UBE2G1: variants seen among roughly 807,000 people sequenced by gnomAD.
UBE2G1 encodes ubiquitin-conjugating enzyme E2 G1.
UBE2G1 carries 5 observed loss-of-function variants against 22.7 expected under a neutral mutation model. That is an observed-to-expected ratio of 0.22 (90% confidence interval 0.12 to 0.46). The LOEUF (loss-of-function observed/expected upper bound fraction) is 0.46, where lower values mean the gene tolerates loss of function less well. UBE2G1 is among the 20% of genes least tolerant of loss of function. The pLI, the probability that UBE2G1 is intolerant of heterozygous loss-of-function variation, is 0.99. For synonymous variants in UBE2G1, 74 were observed against 67.5 expected (o/e 1.10, Z -0.47); for missense variants, 88 against 203.9 (o/e 0.43, Z 3.46).
chr17:4,365,724 C>A (rs1421900310), intron 1 of UBE2G1, among the ~76,000 whole-genome samples: 1 of 152,188 alleles, frequency 6.6e-6, no homozygotes, highest in Non-Finnish European at 1.5e-5. Flanking sequence ...TGGAGGCCGC[C>A]GAGGCCAGCG....
chr17:4,275,247 G>A (rs1266752147), intron 5 of UBE2G1, among the ~76,000 whole-genome samples: 1 of 152,138 alleles, frequency 6.6e-6, no homozygotes, highest in Non-Finnish European at 1.5e-5. Context: ...TCTAAATAGA[G>A]ACAAGGCCTC....
At chr17:4,305,396 G>C (rs1366684186) in intron 2 of UBE2G1, among the ~76,000 whole-genome samples, 1 of 152,146 alleles carries the variant, frequency 6.6e-6, no homozygotes, top group Non-Finnish European at 1.5e-5. Context: ...AAAGGCTAGT[G>C]ATCTCAGGAA....
At chr17:4,313,218 A>C (rs1399399690) in intron 1 of UBE2G1, among the ~76,000 whole-genome samples, 2 of 152,238 alleles carry the variant, frequency 1.3e-5, no homozygotes. Context: ...TGGTCCTCCT[A>C]TGCAGGACAC....
chr17:4,350,868 T>G (rs1348821071), intron 1 of UBE2G1, among the ~76,000 whole-genome samples: 1 of 151,612 alleles, frequency 6.6e-6, no homozygotes, highest in East Asian at 1.9e-4. Context: ...CCGCCTCTAC[T>G]AAAAATACAA....
chr17:4,294,370 A>G (rs1814417), intron 3 of UBE2G1, among the ~76,000 whole-genome samples: 1 of 150,034 alleles, frequency 6.7e-6, no homozygotes, highest in Non-Finnish European at 1.5e-5. Context: ...GAGCCAAGAT[A>G]GTCCCACTGC....
At chr17:4,291,425 C>T (rs1440388355) in intron 3 of UBE2G1, among the ~76,000 whole-genome samples, 1 of 149,282 alleles carries the variant, frequency 6.7e-6, no homozygotes, top group Non-Finnish European at 1.5e-5. Context: ...ATAAAAATTT[C>T]ATAGAGTATT....
chr17:4,312,552 C>T lies in UBE2G1; in HGVS notation c.47-5429G>A, dbSNP rs570250408. ...TCTACTAAAAATGCAAAAAATTAGCCGGGCGTGGTGGCGGGCACCTGTAGT... is the reference window on the plus strand; with the variant it reads ...TCTACTAAAAATGCAAAAAATTAGCTGGGCGTGGTGGCGGGCACCTGTAGT... On this transcript the variant is annotated intron_variant, in intron 1 of 5. Transcript: ENST00000396981. Among the ~76,000 whole-genome samples, 347 of 151,662 alleles carry T rather than the reference C, an allele frequency of 2.3e-3. 1 individual carries two copies. Among genetic ancestry groups the T allele is most frequent in the Non-Finnish European group, 3.9e-3 (268 of 67,896 alleles).
intron 2 of UBE2G1, among the ~76,000 whole-genome samples, chr17:4,304,849 C>G (rs1969229691): frequency 6.6e-6 from 1 of 152,096 alleles, no homozygotes; most frequent in Admixed American, 6.6e-5. Flanking sequence ...ATATTCACTT[C>G]CAATAGTGCT....
At chr17:4,273,384 G>A (rs1968783029) in intron 5 of UBE2G1, among the ~76,000 whole-genome samples, 1 of 152,178 alleles carries the variant, frequency 6.6e-6, no homozygotes, top group South Asian at 2.1e-4. Context: ...GTCCCACTCT[G>A]TCCCTCATGC....
chr17:4,288,259 G>A (rs1401609864), intron 4 of UBE2G1, among the ~76,000 whole-genome samples: 1 of 152,102 alleles, frequency 6.6e-6, no homozygotes, highest in Admixed American at 6.6e-5. Context: ...ATTGTCTTAG[G>A]TATGACAATC....
chr17:4,295,475 C>T (rs923884511), intron 3 of UBE2G1, among the ~76,000 whole-genome samples: 2 of 152,178 alleles, frequency 1.3e-5, no homozygotes, highest in African/African-American at 2.4e-5. Flanking sequence ...CATATCCTTC[C>T]GATAAATCCT....
intron 1 of UBE2G1, among the ~76,000 whole-genome samples, chr17:4,345,257 T>C (rs1242948320): frequency 1.3e-5 from 2 of 152,312 alleles, no homozygotes; most frequent in Non-Finnish European, 2.9e-5. Flanking sequence ...GTCAACAACT[T>C]TTCTCTGCAA....
intron 1 of UBE2G1, among the ~76,000 whole-genome samples, chr17:4,319,716 C>A (rs1969415486): frequency 6.6e-6 from 1 of 150,598 alleles, no homozygotes. Flanking sequence ...GCCTAGGCAC[C>A]TGTGTCGAAA....
chr17:4,323,473 G>A (rs1485388816), intron 1 of UBE2G1, among the ~76,000 whole-genome samples: 1 of 152,182 alleles, frequency 6.6e-6, no homozygotes, highest in Non-Finnish European at 1.5e-5. Flanking sequence ...GAATTAATCA[G>A]ATAAGAAACT....
At chr17:4,325,486 G>A (rs1395360732) in intron 1 of UBE2G1, among the ~76,000 whole-genome samples, 1 of 152,096 alleles carries the variant, frequency 6.6e-6, no homozygotes, top group Admixed American at 6.6e-5. Flanking sequence ...GACATATGCT[G>A]GAAAGACAAA....
intron 1 of UBE2G1, among the ~76,000 whole-genome samples, chr17:4,363,349 T>C (rs894745287): frequency 6.6e-6 from 1 of 152,144 alleles, no homozygotes; most frequent in Non-Finnish European, 1.5e-5. Context: ...TAAGTAACTT[T>C]ACAATGAGGC....
chr17:4,290,553 C>T (rs1969021327), intron 3 of UBE2G1, among the ~76,000 whole-genome samples: 1 of 152,018 alleles, frequency 6.6e-6, no homozygotes, highest in South Asian at 2.1e-4. Context: ...CTCTATGCAG[C>T]CTTGACCTCC....
intron 1 of UBE2G1, among the ~76,000 whole-genome samples, chr17:4,323,393 A>G (rs1969466401): frequency 6.6e-6 from 1 of 152,258 alleles, no homozygotes; most frequent in Non-Finnish European, 1.5e-5. Context: ...GATGATGAAG[A>G]CAAAACTCCT....
chr17:4,348,413 C>T (rs1969805908), intron 1 of UBE2G1, among the ~76,000 whole-genome samples: 3 of 150,904 alleles, frequency 2.0e-5, no homozygotes, highest in African/African-American at 4.9e-5. Context: ...ATTAGCCGGG[C>T]GTAGTGGCGG....
Sources: gnomAD v4.1 joint callset for allele counts (sites outside exome capture counted in the v4.1 genomes callset) on GRCh38, gnomAD v4.1.1 for gene constraint, MANE v1.5 for transcripts, NCBI Gene and HGNC (gene_info 2026-07-23, HGNC 2026-07-21) for gene names.